The following SETD2 variants were observed in gnomAD, a reference collection of about 807,000 sequenced individuals.
SETD2 encodes the protein histone-lysine N-methyltransferase SETD2.
Under a neutral mutation model 242.1 loss-of-function variants are expected in SETD2, and 31 were observed. The observed-to-expected ratio is 0.13, with a 90% confidence interval of 0.10 to 0.17. The LOEUF is 0.17. Among genes scored for constraint, SETD2 ranks in the 10% least tolerant of loss-of-function variants. The pLI, the probability that SETD2 is intolerant of heterozygous loss-of-function variation, is 1.00. For synonymous variants in SETD2, 1,006 were observed against 1,066.5 expected (o/e 0.94, Z 1.11); for missense variants, 2,481 against 3,046.3 (o/e 0.81, Z 4.37).
chr3:47,049,510 C>A (rs1467152199), intron 15 of SETD2, among the ~76,000 whole-genome samples: 1 of 146,226 alleles, frequency 6.8e-6, no homozygotes, highest in Non-Finnish European at 1.5e-5. Context: ...GTAGCTGGGA[C>A]TACAGGTGCC....
chr3:47,122,749 C>A lies in SETD2; in HGVS notation c.1887G>T (p.Lys629Asn), dbSNP rs2106686394. 1 of 1,610,750 alleles carries A rather than the reference C, an allele frequency of 6.2e-7. No individual in the cohort carries two copies. The highest frequency in any genetic ancestry group is 8.5e-7 in the Non-Finnish European group (1 of 1,178,864). The stretch of plus-strand genomic sequence containing the variant: ...ACTTAAAAATAGGCAATTCATCTAG[C>A]TTTTTTAAAGTAGGTGAATCATTTA... Reference protein sequence around the residue: ...NRLNDSPTLKKLDELPIFKSE... With the variant: ...NRLNDSPTLKNLDELPIFKSE... Residue 629 changes from lysine (K) to asparagine (N), a missense_variant, in exon 3 of 21, where the codon AAG (lysine) becomes AAT (asparagine). By Grantham distance (94) the Lys-to-Asn change is moderately conservative (BLOSUM62 0). Coordinates refer to ENST00000409792, the MANE Select transcript of SETD2 (RefSeq NM_014159.7).
intron 1 of SETD2, among the ~76,000 whole-genome samples, chr3:47,162,202 G>C (rs1215813963): frequency 1.3e-5 from 2 of 152,154 alleles, no homozygotes; most frequent in Non-Finnish European, 2.9e-5. Flanking sequence ...AGTGAAAGCA[G>C]GCACTTAGCC....
intron 1 of SETD2, among the ~76,000 whole-genome samples, chr3:47,133,894 G>A (rs1464155517): frequency 2.0e-5 from 3 of 152,132 alleles, no homozygotes; most frequent in East Asian, 1.9e-4. Context: ...ATACTGTGAA[G>A]AGAAAACTCA....
At position 47,017,493 on chromosome 3, in the gene SETD2, A is replaced by C. The variant is rs1042110913; in HGVS notation, c.7533+145T>G. The C allele has an allele frequency of 9.6e-6, 7 of 730,394 alleles. No individual in the cohort carries two copies. Among genetic ancestry groups the C allele is most frequent in the Admixed American group, 7.9e-5 (3 of 38,090 alleles). 45.2% of individuals were successfully genotyped at this position (730,394 alleles called of 1,614,324 possible). On this transcript the variant is annotated intron_variant, in intron 20 of 20. Transcript: ENST00000409792. This position sits in a 1 kb window ranked among gnomAD's most constrained non-coding sequence, Gnocchi z 4.8. The stretch of plus-strand genomic sequence containing the variant: ...CATGTAAGGTACGCATCCCTCCCCA[A>C]ACCTTCCCTCCCCGTTCCTGGGTCC...
intron 1 of SETD2, among the ~76,000 whole-genome samples, chr3:47,154,867 G>A (rs927990603): frequency 6.6e-6 from 1 of 151,926 alleles, no homozygotes; most frequent in South Asian, 2.1e-4. Context: ...GGTGGCGGGC[G>A]CCTGTAGTCC....
rs2106689034 is a variant in SETD2, at chr3:47,122,852, G to A, written c.1784C>T (p.Ser595Leu). The A allele has an allele frequency of 6.2e-7, 1 of 1,612,564 alleles. No individual in the cohort carries two copies. The highest frequency in any genetic ancestry group is 1.7e-4 in the Middle Eastern group (1 of 6,058). Reference protein sequence around the residue: ...SHSFSLQTPCSKGSELRMINK... With the variant: ...SHSFSLQTPCLKGSELRMINK... ...AATCATTCTTAATTCACTACCTTTTGAACAAGGTGTCTGTAAACTAAAAGA... is the reference window on the plus strand; with the variant it reads ...AATCATTCTTAATTCACTACCTTTTAAACAAGGTGTCTGTAAACTAAAAGA... Residue 595 changes from serine (S) to leucine (L), a missense_variant, in exon 3 of 21, where the codon TCA (serine) becomes TTA (leucine). Ser to Leu is a moderately radical substitution (Grantham distance 145, BLOSUM62 -2). Around this residue, in one of 17 missense-constraint regions of SETD2, gnomAD observed 1,300 missense variants for 1,259.2 expected, o/e 1.03. Transcript: ENST00000409792.
At chr3:47,021,038 T>G (rs917341322) in intron 18 of SETD2, among the ~76,000 whole-genome samples, 4 of 152,212 alleles carry the variant, frequency 2.6e-5, no homozygotes, top group Non-Finnish European at 5.9e-5. Flanking sequence ...AAGATCCAAT[T>G]TGTTTTTTAA....
chr3:47,083,793 T>C lies in SETD2; in HGVS notation c.5987A>G (p.Gln1996Arg), dbSNP rs748068732. ...ATCCACTGTTTTATCTGGCTGTTCT[T>C]GGCTCCTTTCACTCTCCACATCAGA... ...GVSDVESERS[Q>R]EQPDKTVDIS... The change falls in exon 12 of 21, where the codon CAA becomes CGA. Residue 1996 changes from glutamine to arginine, a missense_variant. Around this residue, in one of 17 missense-constraint regions of SETD2, gnomAD observed 203 missense variants for 222.4 expected, o/e 0.91. Transcript: ENST00000409792. The C allele has an allele frequency of 1.3e-5, 21 of 1,614,066 alleles. No homozygotes were observed. Among genetic ancestry groups the C allele is most frequent in the Non-Finnish European group, 1.7e-5 (20 of 1,180,010 alleles).
intron 16 of SETD2, among the ~76,000 whole-genome samples, chr3:47,044,318 C>G (rs1476093559): frequency 4.5e-5 from 5 of 109,976 alleles, no homozygotes; most frequent in African/African-American, 1.8e-4. Context: ...GTACTCCAGG[C>G]TGGGCAACAA....
chr3:47,029,431 T>G (rs1264576424), intron 18 of SETD2, among the ~76,000 whole-genome samples: 1 of 140,520 alleles, frequency 7.1e-6, no homozygotes, highest in Non-Finnish European at 1.5e-5. Context: ...GTAGCTTCTA[T>G]AAAAATGTAA....
At chr3:47,051,486 G>A (rs1345926481) in intron 15 of SETD2, among the ~76,000 whole-genome samples, 2 of 152,004 alleles carry the variant, frequency 1.3e-5, no homozygotes, top group African/African-American at 2.4e-5. Flanking sequence ...GTCAGATCAC[G>A]CTATTCAATT....
rs1339834934 is a variant in SETD2 at position 47,152,808 on chromosome 3, G to A, written c.71+11046C>T. On this transcript the variant is annotated intron_variant, in intron 1 of 20. Coordinates refer to ENST00000409792, the MANE Select transcript of SETD2 (RefSeq NM_014159.7). ...TTGCAAGCCCAGAGCAGTGCTCCCAGTAAGCAGACCTCCCAGAAGCCTGCC... is the reference window on the plus strand; with the variant it reads ...TTGCAAGCCCAGAGCAGTGCTCCCAATAAGCAGACCTCCCAGAAGCCTGCC... 2.6e-5 allele frequency among the ~76,000 whole-genome samples: 4 copies of A among 152,304 alleles called. No homozygotes were observed. The East Asian group carries it at 7.7e-4, about 29-fold the overall frequency.
chr3:47,036,793 T>A lies in SETD2; in HGVS notation c.7350+873A>T, dbSNP rs914753084. On this transcript the variant is annotated intron_variant, in intron 18 of 20. Transcript: ENST00000409792. ...AGTGCACATCTGTAGTCCCAGCTAC[T>A]CGGGAGGCTAAGGCAGGAGAATTGC... Among the ~76,000 whole-genome samples the A allele has an allele frequency of 4.0e-5, 6 of 151,236 alleles. No individual in the cohort carries two copies. In the Admixed American group the frequency reaches 4.0e-4, roughly 10 times the overall value.
At chr3:47,067,197 G>T in intron 12 of SETD2, 79 bp from the exon 13 acceptor site, 1 of 1,048,972 alleles carries the variant, frequency 9.5e-7, no homozygotes, top group South Asian at 1.3e-5. Context: ...GTTTTCACAT[G>T]ACAATAAAGA....
chr3:47,091,465 A>G (rs1170657902), intron 9 of SETD2, among the ~76,000 whole-genome samples: 1 of 152,098 alleles, frequency 6.6e-6, no homozygotes, highest in Non-Finnish European at 1.5e-5. Flanking sequence ...CATTTCTACT[A>G]AAAATACAAA....
intron 1 of SETD2, among the ~76,000 whole-genome samples, chr3:47,129,090 G>A (rs2043417964): frequency 6.6e-6 from 1 of 152,146 alleles, no homozygotes; most frequent in Non-Finnish European, 1.5e-5. Context: ...TAAATTTGTG[G>A]AGTTGGGAGG....
At chr3:47,034,085 T>C (rs948542911) in intron 18 of SETD2, among the ~76,000 whole-genome samples, 1 of 152,236 alleles carries the variant, frequency 6.6e-6, no homozygotes, top group Non-Finnish European at 1.5e-5. Flanking sequence ...AGAAGACCTC[T>C]ACCTTTATTT....
At chr3:47,116,126 G>C (rs1335166086) in intron 4 of SETD2, among the ~76,000 whole-genome samples, 1 of 150,392 alleles carries the variant, frequency 6.6e-6, no homozygotes, top group Non-Finnish European at 1.5e-5. Flanking sequence ...ATCCAAGCAA[G>C]TATATAGAAT....
At chr3:47,084,560 G>C (rs1164563356) in intron 11 of SETD2, among the ~76,000 whole-genome samples, 178 bp from the exon 12 acceptor site, 4 of 151,902 alleles carry the variant, frequency 2.6e-5, no homozygotes, top group South Asian at 4.2e-4. Context: ...AAGTAGCTGG[G>C]AGTACAGGCG....
Sources: gnomAD v4.1 joint callset for allele counts (sites outside exome capture counted in the v4.1 genomes callset) on GRCh38, gnomAD v4.1.1 for gene constraint, gnomAD v4.1.1 regional missense constraint, Gnocchi (gnomAD v3.1) non-coding constraint, MANE v1.5 for transcripts, NCBI Gene and HGNC (gene_info 2026-07-23, HGNC 2026-07-21) for gene names.